Variants in WLS observed in about 807,000 individuals in gnomAD.
WLS encodes protein wntless homolog.
Under a neutral mutation model 62.8 loss-of-function variants are expected in WLS, and 23 were observed. The observed-to-expected ratio is 0.37, with a 90% CI of 0.26 to 0.52. The LOEUF is 0.52. WLS is among the 20% of genes least tolerant of loss of function. The pLI, the probability that WLS is intolerant of heterozygous loss-of-function variation, is 0.92. For synonymous variants in WLS, 246 were observed against 244.1 expected (o/e 1.01, Z -0.07); for missense variants, 615 against 697.3 (o/e 0.88, Z 1.33).
intron 2 of WLS, among the ~76,000 whole-genome samples, chr1:68,193,415 A>C (rs1015804729): frequency 1.4e-4 from 13 of 91,052 alleles, no homozygotes; most frequent in African/African-American, 6.3e-4. Context: ...AAAAAAAAAA[A>C]AAAAAAAAAA....
At chr1:68,113,054 G>A (rs978273648) in intron 11 of WLS, among the ~76,000 whole-genome samples, 1 of 152,120 alleles carries the variant, frequency 6.6e-6, no homozygotes, top group Admixed American at 6.6e-5. Flanking sequence ...TTCATTCTGG[G>A]GACGCTGGTC....
chr1:68,132,364 C>T (rs1646539631), intron 11 of WLS, among the ~76,000 whole-genome samples: 1 of 152,310 alleles, frequency 6.6e-6, no homozygotes, highest in African/African-American at 2.4e-5. Flanking sequence ...TGCTCACAGA[C>T]ATCAAGAAGC....
rs1570884124 is a variant in WLS at position 68,144,646 on chromosome 1, T to C, written c.1285A>G (p.Ile429Val). Reference protein sequence around the residue: ...KVRRLHYEGLIFRFKFLMLIT... With the variant: ...KVRRLHYEGLVFRFKFLMLIT... ...AGCATGAGGAACTTGAACCTAAAAA[T>C]TAGCCCCTATTAGAAAAGAAAGAGT... is the stretch of plus-strand genomic sequence containing the variant. Residue 429 changes from isoleucine (I) to valine (V), a missense_variant, in exon 10 of 12, where the codon ATT becomes GTT. Transcript: ENST00000262348. 8 of 1,613,138 alleles carry C rather than the reference T, an allele frequency of 5.0e-6. No individual in the cohort carries two copies. The highest frequency in any genetic ancestry group is 5.9e-6 in the Non-Finnish European group (7 of 1,179,320).
intron 1 of WLS, among the ~76,000 whole-genome samples, chr1:68,225,498 G>A (rs182611279): frequency 1.7e-3 from 266 of 152,260 alleles, no homozygotes; most frequent in Admixed American, 0.016. Flanking sequence ...TTCGTGTCTT[G>A]ATGCTCCCTG....
chr1:68,120,733 T>C (rs1219117919), downstream of WLS, among the ~76,000 whole-genome samples: 1 of 150,936 alleles, frequency 6.6e-6, no homozygotes, highest in Non-Finnish European at 1.5e-5. Context: ...CGCGCACATG[T>C]GCACACTCGT....
chr1:68,230,584 C>CGCGCGTGTGTGTGTGTGTGTGTGT (rs1650362452), intron 1 of WLS, among the ~76,000 whole-genome samples: 1 of 135,000 alleles, frequency 7.4e-6, no homozygotes, highest in African/African-American at 2.8e-5. Flanking sequence ...TGTGTGTGTG[C>CGCGCGTGTGTGTGTGTGTGTGTGT]GCGCGTGTGT....
At chr1:68,132,298 T>G (rs1276101976) in intron 11 of WLS, among the ~76,000 whole-genome samples, 1 of 152,158 alleles carries the variant, frequency 6.6e-6, no homozygotes, top group East Asian at 1.9e-4. Context: ...GAAAACGCTT[T>G]TAAGACCTGC....
rs1570922357 is a variant in WLS, at chr1:68,162,173, G to C, written c.380-2926C>G. On this transcript the variant is annotated intron_variant, in intron 2 of 11. Coordinates refer to ENST00000262348, the MANE Select transcript of WLS (RefSeq NM_024911.7). ...TTCGGTGCATCTTTCAACGGACCCT[G>C]AGCAAAGCTAAAGGGCTCCGACTCA... 1.7e-5 allele frequency: 24 copies of C among 1,446,526 alleles called. No individual in the cohort carries two copies. In the East Asian group the frequency reaches 5.2e-4, roughly 31 times the overall value. 89.6% of individuals were successfully genotyped at this position (1,446,526 alleles called of 1,614,324 possible). A position where few individuals can be genotyped will look rare whatever the true frequency, so the allele number is the denominator to read the frequency against.
intron 11 of WLS, among the ~76,000 whole-genome samples, chr1:68,103,330 G>T (rs1281298924): frequency 4.6e-5 from 7 of 152,220 alleles, no homozygotes; most frequent in Non-Finnish European, 5.9e-5. Flanking sequence ...TGGGAAGCAG[G>T]TGAGTGAAGA....
chr1:68,197,403 CT>C (rs1173418557), intron 1 of WLS, among the ~76,000 whole-genome samples: 6 of 152,158 alleles, frequency 3.9e-5, no homozygotes, highest in Non-Finnish European at 5.9e-5. Flanking sequence ...TCAAGCTATA[CT>C]GTGAGAATCA....
At chr1:68,193,435 A>AAAAC (rs1648471055) in intron 2 of WLS, among the ~76,000 whole-genome samples, 1 of 136,412 alleles carries the variant, frequency 7.3e-6, no homozygotes, top group Non-Finnish European at 1.6e-5. Flanking sequence ...AAAAAAAAAA[A>AAAAC]AAAAAAACGA....
At chr1:68,222,807 A>G (rs1005240601) in intron 1 of WLS, among the ~76,000 whole-genome samples, 1 of 151,710 alleles carries the variant, frequency 6.6e-6, no homozygotes, top group African/African-American at 2.4e-5. Flanking sequence ...AATGGATTCA[A>G]GTAGCCACAC....
chr1:68,181,530 A>T (rs1445909993), intron 2 of WLS, among the ~76,000 whole-genome samples: 1 of 152,204 alleles, frequency 6.6e-6, no homozygotes, highest in Non-Finnish European at 1.5e-5. Flanking sequence ...GGGAGATTTT[A>T]AAAAATTGAA....
chr1:68,153,006 T>C (rs1006722816), intron 5 of WLS, among the ~76,000 whole-genome samples: 1 of 152,102 alleles, frequency 6.6e-6, no homozygotes, highest in Non-Finnish European at 1.5e-5. Flanking sequence ...CAGCTGGGTG[T>C]GGTGGCTCAC....
Position 68,137,790 on chromosome 1 carries a change from G to T in WLS, c.1506C>A (p.Asp502Glu). The T allele has an allele frequency of 1.9e-6, 3 of 1,613,708 alleles. No homozygotes were observed. Among genetic ancestry groups the T allele is most frequent in the Non-Finnish European group, 2.5e-6 (3 of 1,179,762 alleles). The change falls in exon 11 of 12, where the codon GAC becomes GAA. Residue 502 changes from aspartate (D) to glutamate (E), a missense_variant. Asp to Glu is a conservative substitution (Grantham distance 45). Coordinates refer to ENST00000262348, the MANE Select transcript of WLS (RefSeq NM_024911.7). ...YAPSHKNYGE[D>E]QSNGDLGVHS... Reference sequence around the variant, plus strand: ...GAGACAGAAACTCACCATTGGACTGGTCTTCTCCATAGTTTTTATGGGATG... The same window carrying T: ...GAGACAGAAACTCACCATTGGACTGTTCTTCTCCATAGTTTTTATGGGATG...
At chr1:68,145,193 A>C (rs1646736484) in intron 9 of WLS, among the ~76,000 whole-genome samples, 1 of 152,184 alleles carries the variant, frequency 6.6e-6, no homozygotes, top group African/African-American at 2.4e-5. Context: ...TCTTCTGTGC[A>C]GATCTACTGC....
intron 2 of WLS, among the ~76,000 whole-genome samples, chr1:68,164,352 G>C (rs894535114): frequency 6.6e-6 from 1 of 151,824 alleles, no homozygotes; most frequent in Non-Finnish European, 1.5e-5. Flanking sequence ...TCTGCCTCCC[G>C]GGTTCAAGCA....
intron 2 of WLS, among the ~76,000 whole-genome samples, chr1:68,185,210 A>G (rs1647851738): frequency 6.6e-6 from 1 of 152,228 alleles, no homozygotes; most frequent in South Asian, 2.1e-4. Context: ...TCAGATGCCC[A>G]TCGAAAAAAC....
At chr1:68,121,639 G>A (rs1646365009), downstream of WLS, among the ~76,000 whole-genome samples, 1 of 152,164 alleles carries the variant, frequency 6.6e-6, no homozygotes, top group Non-Finnish European at 1.5e-5. Context: ...GGATAAAAAG[G>A]ACCTTGAAAT....
Sources: allele counts gnomAD v4.1 joint callset (sites outside exome capture counted in the v4.1 genomes callset), GRCh38; gene constraint gnomAD v4.1.1; transcripts MANE v1.5; gene names NCBI Gene and HGNC (gene_info 2026-07-23, HGNC 2026-07-21).